Variants in SEC14L3 observed in about 807,000 individuals in gnomAD.
SEC14L3 encodes the protein SEC14 like lipid binding 3.
SEC14L3 carries 56 observed loss-of-function variants against 57.4 expected under a neutral mutation model. That is an observed-to-expected ratio of 0.97 (90% CI 0.79 to 1.22). SEC14L3 has a LOEUF of 1.22. Ranked by LOEUF, SEC14L3 falls within the 50% of genes most tolerant of loss-of-function variation. The pLI is 0.00. For missense variants in SEC14L3, 485 were observed against 511.7 expected (o/e 0.95, Z 0.50); for synonymous variants, 173 against 194.4 (o/e 0.89, Z 0.92).
At chr22:30,465,623 G>T (rs1054973309) in intron 7 of SEC14L3, among the ~76,000 whole-genome samples, 1 of 152,076 alleles carries the variant, frequency 6.6e-6, no homozygotes, top group South Asian at 2.1e-4. Flanking sequence ...CTGCTAACCA[G>T]GCAACCAACT....
intron 6 of SEC14L3, 74 bp from the exon 7 acceptor site, chr22:30,466,468 T>C: frequency 6.2e-7 from 1 of 1,600,368 alleles, no homozygotes; most frequent in Non-Finnish European, 8.6e-7. Flanking sequence ...TGCAATCTCC[T>C]GTTGGGAGGT....
At chr22:30,464,655 T>G (rs1935361115) in intron 8 of SEC14L3, among the ~76,000 whole-genome samples, 165 bp downstream of exon 8, 1 of 152,100 alleles carries the variant, frequency 6.6e-6, no homozygotes, top group Non-Finnish European at 1.5e-5. Flanking sequence ...GGTCTCAACC[T>G]CCTGATATCA....
rs760858549 is a variant in SEC14L3, at chr22:30,470,075, T to G, written c.178A>C (p.Met60Leu). 1.0e-5 allele frequency: 16 copies of G among 1,601,856 alleles called. No individual in the cohort carries two copies. The highest frequency in any genetic ancestry group is 1.7e-5 in the Admixed American group (1 of 58,740). ...QKSEALLRKY[M>L]EFRKTMDIDH... is the part of the protein sequence containing the mutation. ...ATATCCATGGTCTTCCGGAACTCCA[T>G]GTACTGAAAGGGAAATGAGTGGTAA... is the stretch of plus-strand genomic sequence containing the variant. The change falls in exon 4 of 12, where the codon ATG (methionine) becomes CTG (leucine). Residue 60 changes from methionine (M) to leucine (L), a missense_variant. Physicochemically the swap from Met to Leu is conservative, Grantham distance 15 (BLOSUM62 2). Transcript: ENST00000215812.
At chr22:30,464,257 A>C (rs549408283) in intron 8 of SEC14L3, among the ~76,000 whole-genome samples, 31 of 152,322 alleles carry the variant, frequency 2.0e-4, no homozygotes, top group South Asian at 4.1e-4. Context: ...GTTGAAAAGA[A>C]ACCGAGGCCT....
Position 30,461,434 on chromosome 22 carries a change from G to T in SEC14L3, c.957C>A (p.Phe319Leu). ...SDGADIGFGV[F>L]LKTKMGERQR... Reference sequence around the variant, plus strand: ...GTCGCTCCCCCATCTTGGTCTTCAGGAAAACTCCGAAGCCGATGTCCGCAC... The same window carrying T: ...GTCGCTCCCCCATCTTGGTCTTCAGTAAAACTCCGAAGCCGATGTCCGCAC... The change falls in exon 11 of 12, where the codon TTC becomes TTA. Residue 319 changes from phenylalanine to leucine, a missense_variant. Physicochemically the swap from Phe to Leu is conservative, Grantham distance 22. Transcript: ENST00000215812. The T allele has an allele frequency of 6.2e-7, 1 of 1,614,004 alleles. No individual in the cohort carries two copies. Among genetic ancestry groups the T allele is most frequent in the Non-Finnish European group, 8.5e-7 (1 of 1,179,952 alleles).
Position 30,468,694 on chromosome 22 carries a change from C to T in SEC14L3, c.237G>A (p.Val79=), listed in dbSNP as rs1363110043. ...DHILDWQPPE[V]IQKYMPGGLC... ...GGCCCCCAGGCATGTACTTCTGGATCACCTGGGCATGAAAAGATGCACAGA... is the reference window on the plus strand; with the variant it reads ...GGCCCCCAGGCATGTACTTCTGGATTACCTGGGCATGAAAAGATGCACAGA... Residue 79 remains valine, a splice_region_variant and synonymous_variant, in exon 5 of 12, where the codon GTG becomes GTA. Transcript: ENST00000215812. 3 of 1,613,608 alleles carry T rather than the reference C, an allele frequency of 1.9e-6. No individual in the cohort carries two copies. Among genetic ancestry groups the T allele is most frequent in the Non-Finnish European group, 2.5e-6 (3 of 1,179,722 alleles).
intron 8 of SEC14L3, among the ~76,000 whole-genome samples, chr22:30,463,057 T>C (rs563066462): frequency 6.6e-6 from 1 of 152,310 alleles, no homozygotes; most frequent in East Asian, 1.9e-4. Flanking sequence ...TTGAAGATCT[T>C]CCAGTCATGA....
rs1365911840 is a variant in SEC14L3, at chr22:30,460,148, G to A, written c.1082-6C>T. ...GTTGTCGAAGCGTAGGACATCTGGG[G>A]GACAGATGGAAAGAGGGGCATTGGG... On this transcript the variant is annotated splice_polypyrimidine_tract_variant and splice_region_variant and intron_variant, in intron 11 of 11. Coordinates refer to ENST00000215812, the MANE Select transcript of SEC14L3 (RefSeq NM_174975.5). 2 of 1,613,174 alleles carry A rather than the reference G, an allele frequency of 1.2e-6. No homozygotes were observed. Among genetic ancestry groups the A allele is most frequent in the Non-Finnish European group, 1.7e-6 (2 of 1,179,446 alleles).
In SEC14L3 at chr22:30,464,918, G is replaced by A; in HGVS notation, c.581-15C>T. ...CAGTTTGGTAGCTGGAGAGATAGAA[G>A]TAAGGATAATGGGAAGAAAAGAATT... On this transcript the variant is annotated splice_polypyrimidine_tract_variant and intron_variant, in intron 7 of 11. Transcript: ENST00000215812. 7 of 1,613,766 alleles carry A rather than the reference G, an allele frequency of 4.3e-6. No individual in the cohort carries two copies. The highest frequency in any genetic ancestry group is 5.9e-6 in the Non-Finnish European group (7 of 1,179,646).
intron 6 of SEC14L3, 68 bp downstream of exon 6, chr22:30,466,914 A>G: frequency 1.4e-6 from 2 of 1,473,888 alleles, no homozygotes; most frequent in Non-Finnish European, 1.9e-6. Context: ...CTCAGTAAGC[A>G]GCTGGGTCAT....
Position 30,471,781 on chromosome 22 carries a change from C to A in SEC14L3, c.54+124G>T. On this transcript the variant is annotated intron_variant, in intron 1 of 11. Transcript: ENST00000215812. ...TGGGGCTTGACCCTTTGGGAGGTAA[C>A]ACCAAAGAGACAATGTCAAGGACAT... 4.3e-6 allele frequency: 6 copies of A among 1,396,908 alleles called. No homozygotes were observed. The South Asian group carries it at 5.9e-5, about 14-fold the overall frequency. The allele number at this position is 1,396,908 out of a possible 1,614,324, so 86.5% of individuals were successfully genotyped here.
At chr22:30,455,786 C>CT (rs1345017428), downstream of SEC14L3, among the ~76,000 whole-genome samples, 3 of 152,242 alleles carry the variant, frequency 2.0e-5, no homozygotes, top group Non-Finnish European at 4.4e-5. Context: ...AATTTGACTC[C>CT]TCTATGGGAA....
chr22:30,470,106 C>A, intron 3 of SEC14L3, 28 bp from the exon 4 acceptor site: 1 of 1,608,436 alleles, frequency 6.2e-7, no homozygotes, highest in Non-Finnish European at 8.5e-7. Context: ...GGTAAGATCC[C>A]ACTGGGCTCC....
chr22:30,450,812 T>G (rs760644873), intron 12 of SEC14L3, among the ~76,000 whole-genome samples: 7 of 152,160 alleles, frequency 4.6e-5, no homozygotes, highest in Non-Finnish European at 1.0e-4. Context: ...GGATACTTCA[T>G]CCACACGGTG....
At chr22:30,450,814 C>T (rs1934966465) in intron 12 of SEC14L3, among the ~76,000 whole-genome samples, 2 of 152,218 alleles carry the variant, frequency 1.3e-5, no homozygotes, top group South Asian at 4.1e-4. Flanking sequence ...ATACTTCATC[C>T]ACACGGTGGG....
intron 7 of SEC14L3, among the ~76,000 whole-genome samples, chr22:30,465,969 G>T (rs924008423): frequency 6.6e-6 from 1 of 152,202 alleles, no homozygotes; most frequent in Non-Finnish European, 1.5e-5. Flanking sequence ...AGAAAACTCA[G>T]CCAGTAAAGC....
intron 12 of SEC14L3, among the ~76,000 whole-genome samples, chr22:30,453,474 G>A (rs1376085991): frequency 2.0e-5 from 3 of 152,110 alleles, no homozygotes; most frequent in Non-Finnish European, 4.4e-5. Flanking sequence ...GTGCAATGGC[G>A]CAATCTCAGC....
In SEC14L3 at chr22:30,464,874, G is replaced by A. The variant is rs767563761; in HGVS notation, c.610C>T (p.Leu204Phe). Residue 204 changes from leucine to phenylalanine, a missense_variant, in exon 8 of 12, where the codon CTC (leucine) becomes TTC (phenylalanine). Coordinates refer to ENST00000215812, the MANE Select transcript of SEC14L3 (RefSeq NM_174975.5). ...ATKLFPVGYN[L>F]MKPFLSEDTR... ...TCCTCACTCAGGAATGGCTTCATGA[G>A]GTTGTAGCCCACAGGGAACAGTTTG... 6.2e-7 allele frequency: 1 copy of A among 1,613,992 alleles called. No homozygotes were observed. The highest frequency in any genetic ancestry group is 8.5e-7 in the Non-Finnish European group (1 of 1,179,860).
rs760440003 is a variant in SEC14L3 at position 30,462,126 on chromosome 22, G to T, written c.731C>A (p.Thr244Asn). ...GGGGTTCCCATCTGGGTCAGTCAGG[G>T]TGCCCCCAAACTGGGCAGGCAGTTC... ...PEELPAQFGG[T>N]LTDPDGNPKC... The change falls in exon 9 of 12, where the codon ACC becomes AAC. Residue 244 changes from threonine (T) to asparagine (N), a missense_variant. Thr to Asn is a moderately conservative substitution (Grantham distance 65). Coordinates refer to ENST00000215812, the MANE Select transcript of SEC14L3 (RefSeq NM_174975.5). The T allele has an allele frequency of 6.2e-7, 1 of 1,614,034 alleles. No individual in the cohort carries two copies. The highest frequency in any genetic ancestry group is 1.3e-5 in the African/African-American group (1 of 74,920).
Sources: gnomAD v4.1 joint callset for allele counts (sites outside exome capture counted in the v4.1 genomes callset) on GRCh38, gnomAD v4.1.1 for gene constraint, MANE v1.5 for transcripts, NCBI Gene and HGNC (gene_info 2026-07-23, HGNC 2026-07-21) for gene names.